The following AAK1 variants were observed in gnomAD, a reference collection of about 807,000 sequenced individuals.
AAK1 encodes AP2 associated kinase 1.
A neutral mutation model predicts 116.0 loss-of-function variants in AAK1; 37 were observed. The observed-to-expected ratio is 0.32, with a 90% CI of 0.25 to 0.42. AAK1 has a LOEUF of 0.42. Ranked by LOEUF, AAK1 falls within the 10% of genes least tolerant of loss-of-function variation. The pLI is 1.00. For synonymous variants in AAK1, 458 were observed against 439.9 expected (o/e 1.04, Z -0.51); for missense variants, 919 against 1,170.6 (o/e 0.79, Z 3.14).
At chr2:69,632,576 A>C (rs920696400) in intron 2 of AAK1, among the ~76,000 whole-genome samples, 1 of 149,606 alleles carries the variant, frequency 6.7e-6, no homozygotes, top group Non-Finnish European at 1.5e-5. Flanking sequence ...TAGGCAAATC[A>C]CCTAATTTTC....
intron 5 of AAK1, among the ~76,000 whole-genome samples, chr2:69,540,498 G>C (rs1052314943): frequency 6.6e-6 from 1 of 152,156 alleles, no homozygotes; most frequent in African/African-American, 2.4e-5. Context: ...CTAAGCCTTT[G>C]GGAGGTATAT....
rs1559029003 is a variant in AAK1, at chr2:69,643,217, T to C, written c.-177A>G. 15 of 1,411,266 alleles carry C rather than the reference T, an allele frequency of 1.1e-5. No homozygotes were observed. Among genetic ancestry groups the C allele is most frequent in the Non-Finnish European group, 1.3e-5 (14 of 1,090,900 alleles). The allele number at this position is 1,411,266 out of a possible 1,614,324, so 87.4% of individuals were successfully genotyped here. A position where few individuals can be genotyped will look rare whatever the true frequency, so the allele number is the denominator to read the frequency against. ...GGGAGGATGCCTATAGGAATATGCG[T>C]GTCAATCGCGCAGCGGGTCCCCTCC... On this transcript the variant is annotated 5_prime_UTR_variant, in exon 2 of 22. Transcript: ENST00000409085.
intron 2 of AAK1, among the ~76,000 whole-genome samples, chr2:69,593,728 A>C (rs1390700751): frequency 6.6e-6 from 1 of 152,230 alleles, no homozygotes; most frequent in African/African-American, 2.4e-5. Context: ...TCAGTGCTCC[A>C]AACTGTATAC....
Position 69,608,384 on chromosome 2 carries a change from A to G in AAK1, c.163+34494T>C, listed in dbSNP as rs79146779. ...ACCTAAAATTTCCCCTTGCTCCTTC[A>G]TTTGAATATGAAGAAGACAGAGACT... On this transcript the variant is annotated intron_variant, in intron 2 of 21. Transcript: ENST00000409085. Among the ~76,000 whole-genome samples, 1,366 of 152,330 alleles carry G rather than the reference A, an allele frequency of 9.0e-3. 21 individuals are homozygous for G. Among genetic ancestry groups the G allele is most frequent in the African/African-American group, 0.03 (1,261 of 41,572 alleles).
At position 69,474,379 on chromosome 2, in the gene AAK1, T is replaced by C. The variant is rs1674777994; in HGVS notation, c.*1490A>G. On this transcript the variant is annotated 3_prime_UTR_variant, in exon 22 of 22. Transcript: ENST00000409085. ...TGCCCACTTCTTTTCAAAAGGGTGA[T>C]TTTATAAAAGTGCTTTCCACATAAG... The C allele has an allele frequency of 4.1e-6, 4 of 985,860 alleles. No individual in the cohort carries two copies. Among genetic ancestry groups the C allele is most frequent in the Non-Finnish European group, 4.8e-6 (4 of 829,930 alleles). 61.1% of individuals were successfully genotyped at this position (985,860 alleles called of 1,614,324 possible). A position where few individuals can be genotyped will look rare whatever the true frequency, so the allele number is the denominator to read the frequency against.
chr2:69,618,660 TAACA>T (rs57807011), intron 2 of AAK1, among the ~76,000 whole-genome samples: 3,315 of 152,178 alleles, frequency 0.022, 113 homozygotes, highest in African/African-American at 0.074. Context: ...GCTCAGTCTC[TAACA>T]TTCACGGATG....
At chr2:69,534,311 T>C (rs931650389) in intron 5 of AAK1, among the ~76,000 whole-genome samples, 6 of 152,186 alleles carry the variant, frequency 3.9e-5, no homozygotes, top group Non-Finnish European at 7.3e-5. Context: ...ATATTCCTGC[T>C]ACAGGAAGCA....
At chr2:69,582,469 G>A (rs900342521) in intron 2 of AAK1, among the ~76,000 whole-genome samples, 2 of 152,294 alleles carry the variant, frequency 1.3e-5, no homozygotes, top group South Asian at 2.1e-4. Context: ...CAGTGGTTTC[G>A]GGGTGGGAGA....
chr2:69,514,261 C>T (rs1676498716), intron 13 of AAK1, among the ~76,000 whole-genome samples: 1 of 152,114 alleles, frequency 6.6e-6, no homozygotes. Context: ...TCATCAGTAG[C>T]CTAGAATCCT....
At chr2:69,611,276 C>A (rs1674068065) in intron 2 of AAK1, among the ~76,000 whole-genome samples, 1 of 152,228 alleles carries the variant, frequency 6.6e-6, no homozygotes, top group Non-Finnish European at 1.5e-5. Context: ...TCTCTCTCTT[C>A]ACATGCAGGA....
In AAK1 at chr2:69,503,129, A is replaced by G. The variant is rs76565855; in HGVS notation, c.2269+2440T>C. Reference sequence around the variant, plus strand: ...AGTGCAATGAAAACATAACCTGAGTAACTTTTGATTAAAGAAAAAATTGAA... The same window carrying G: ...AGTGCAATGAAAACATAACCTGAGTGACTTTTGATTAAAGAAAAAATTGAA... On this transcript the variant is annotated intron_variant, in intron 16 of 21. Coordinates refer to ENST00000409085, the MANE Select transcript of AAK1 (RefSeq NM_014911.5). 2.1e-3 allele frequency among the ~76,000 whole-genome samples: 327 copies of G among 152,358 alleles called. 2 individuals are homozygous for G. The highest frequency in any genetic ancestry group is 7.0e-3 in the African/African-American group (293 of 41,584).
chr2:69,497,957 A>C (rs1169012274), intron 16 of AAK1, among the ~76,000 whole-genome samples: 1 of 151,820 alleles, frequency 6.6e-6, no homozygotes, highest in East Asian at 1.9e-4. Flanking sequence ...CTCAGTGCCG[A>C]TGTCACCCAT....
intron 5 of AAK1, among the ~76,000 whole-genome samples, chr2:69,534,471 A>G (rs1236148514): frequency 6.6e-6 from 1 of 152,248 alleles, no homozygotes; most frequent in Non-Finnish European, 1.5e-5. Flanking sequence ...ATAGAAATCT[A>G]GTGAATAAGG....
intron 5 of AAK1, among the ~76,000 whole-genome samples, chr2:69,541,901 T>C (rs1670739227): frequency 6.6e-6 from 1 of 152,258 alleles, no homozygotes; most frequent in South Asian, 2.1e-4. Context: ...CCTAGTTATA[T>C]GACTTTAGGC....
intron 2 of AAK1, among the ~76,000 whole-genome samples, chr2:69,633,283 A>G (rs1675289676): frequency 6.6e-6 from 1 of 151,214 alleles, no homozygotes; most frequent in African/African-American, 2.4e-5. Context: ...CCCAGAAAGC[A>G]GCAGTCCCTT....
Position 69,493,158 on chromosome 2 carries a change from C to CAAAAAAA in AAK1, c.2365+2820_2365+2826dup, listed in dbSNP as rs574490585. ...TGGGCGACAGAGCGAGACTCCGTCT[C>CAAAAAAA]AAAAAAAAAAAAAAAAAAAGGATGC... On this transcript the variant is annotated intron_variant, in intron 17 of 21. Transcript: ENST00000409085. Among the ~76,000 whole-genome samples the CAAAAAAA allele has an allele frequency of 9.8e-3, 367 of 37,518 alleles. 66 individuals are homozygous for CAAAAAAA. The highest frequency in any genetic ancestry group is 0.066 in the East Asian group (95 of 1,434). The allele number at this position is 37,518 out of a possible 152,430, so 24.6% of individuals were successfully genotyped here.
At chr2:69,640,045 ACACACACACT>A (rs1336729705) in intron 2 of AAK1, among the ~76,000 whole-genome samples, 107 of 138,936 alleles carry the variant, frequency 7.7e-4, no homozygotes, top group Middle Eastern at 3.5e-3. Context: ...ACACACACAC[ACACACACACT>A]CTCTCTCTCT....
chr2:69,518,896 G>A, intron 12 of AAK1, 58 bp downstream of exon 12: 3 of 1,475,574 alleles, frequency 2.0e-6, no homozygotes, highest in Admixed American at 2.4e-5. Flanking sequence ...TACCTAGTGG[G>A]CCTTTTCACA....
chr2:69,482,629 G>A (rs755180010), intron 18 of AAK1, 82 bp downstream of exon 18: 1 of 1,131,542 alleles, frequency 8.8e-7, no homozygotes. Flanking sequence ...ATTCCCCAGG[G>A]ATTGGTTAAC....
Sources: allele counts gnomAD v4.1 joint callset (sites outside exome capture counted in the v4.1 genomes callset), GRCh38; gene constraint gnomAD v4.1.1; transcripts MANE v1.5; gene names NCBI Gene and HGNC (gene_info 2026-07-23, HGNC 2026-07-21).